The following GLIS3 variants were observed in gnomAD, a reference collection of about 807,000 sequenced individuals.
The protein encoded by GLIS3 is GLIS family zinc finger 3.
In GLIS3, 53 loss-of-function variants were observed where a neutral mutation model predicts 78.6. The observed-to-expected ratio is 0.67, with a 90% confidence interval of 0.54 to 0.85. GLIS3 has a LOEUF of 0.85. Ranked by LOEUF, GLIS3 falls within the 40% of genes least tolerant of loss-of-function variation. The probability of loss-of-function intolerance (pLI) is 0.00; values close to 1 mark genes in which losing one functional copy is unlikely to be tolerated. For synonymous variants in GLIS3, 684 were observed against 509.9 expected, an observed-to-expected ratio of 1.34 and a Z score of -4.60; for missense variants, 1,703 against 1,231.1, an observed-to-expected ratio of 1.38 and a Z score of -5.74.
At chr9:4,473,876 T>C in the GLIS3 span, among the ~76,000 whole-genome samples, 1 of 151,990 alleles carries the variant, frequency 6.6e-6, no homozygotes, top group African/African-American at 2.4e-5. Flanking sequence ...CTAATGAAGA[T>C]GCACAAGACC....
At chr9:4,183,876 A>G (rs1817545802) in intron 2 of GLIS3, among the ~76,000 whole-genome samples, 1 of 152,184 alleles carries the variant, frequency 6.6e-6, no homozygotes, top group Non-Finnish European at 1.5e-5. Flanking sequence ...AAGGGCAGAG[A>G]ACTATAAATG....
intron 1 of GLIS3, among the ~76,000 whole-genome samples, chr9:4,290,464 G>C (rs1828357931): frequency 6.6e-6 from 1 of 151,994 alleles, no homozygotes; most frequent in African/African-American, 2.4e-5. Context: ...TCGCTGCCTT[G>C]TTAATAGGTC....
intron 2 of GLIS3, among the ~76,000 whole-genome samples, chr9:4,185,595 C>G (rs1817715186): frequency 6.6e-6 from 1 of 151,236 alleles, no homozygotes; most frequent in South Asian, 2.1e-4. Context: ...ATGGCACATT[C>G]AAATTACAAT....
rs80035197 is a variant in GLIS3, at chr9:4,173,407, C to T, written c.389-47466G>A. Among the ~76,000 whole-genome samples the T allele has an allele frequency of 4.1e-4, 63 of 152,188 alleles. 1 individual carries two copies. The East Asian group carries it at 0.011, about 26-fold the overall frequency. On this transcript the variant is annotated intron_variant, in intron 2 of 10. Transcript: ENST00000381971. ...TAACTCTTCCTATTTATTAACCGTG[C>T]CACGTGTGTCTTCTTATCATCTTGT... is the stretch of plus-strand genomic sequence containing the variant.
At chr9:3,835,246 A>G (rs1175159095) in intron 9 of GLIS3, among the ~76,000 whole-genome samples, 4 of 152,218 alleles carry the variant, frequency 2.6e-5, no homozygotes, top group African/African-American at 7.2e-5. Context: ...CAGAATCGAG[A>G]CAGCCCCTTC....
chr9:4,317,637 C>T (rs1197935827), intron 2 of GLIS3, among the ~76,000 whole-genome samples: 2 of 152,144 alleles, frequency 1.3e-5, no homozygotes, highest in Non-Finnish European at 2.9e-5. Context: ...GTCATAGATT[C>T]TAAATGTATC....
intron 2 of GLIS3, among the ~76,000 whole-genome samples, chr9:4,188,692 CAG>C (rs1818034705): frequency 6.6e-6 from 1 of 152,142 alleles, no homozygotes; most frequent in South Asian, 2.1e-4. Flanking sequence ...TTGGTCTATT[CAG>C]AGATTCAACT....
chr9:4,311,363 A>G (rs1299893199), intron 2 of GLIS3, among the ~76,000 whole-genome samples: 1 of 152,196 alleles, frequency 6.6e-6, no homozygotes, highest in Non-Finnish European at 1.5e-5. Flanking sequence ...GAGTTGAGAT[A>G]GCACCACTAC....
chr9:4,198,206 G>A (rs1819042978), intron 2 of GLIS3, among the ~76,000 whole-genome samples: 1 of 152,072 alleles, frequency 6.6e-6, no homozygotes, highest in African/African-American at 2.4e-5. Flanking sequence ...TGGATTGCAA[G>A]CAAGCTCAAT....
chr9:4,321,295 G>A (rs374555652), intron 2 of GLIS3, among the ~76,000 whole-genome samples: 2,475 of 96,942 alleles, frequency 0.026, 414 homozygotes, highest in East Asian at 0.1. Flanking sequence ...GGTGGCGGGC[G>A]CCTGTAGTCC....
intron 4 of GLIS3, among the ~76,000 whole-genome samples, chr9:3,939,897 A>C (rs1826107099): frequency 6.6e-6 from 1 of 152,212 alleles, no homozygotes. Context: ...GGATTGATAA[A>C]TGCCTTGGTG....
chr9:4,059,934 C>T (rs1826505057), intron 4 of GLIS3, among the ~76,000 whole-genome samples: 1 of 151,812 alleles, frequency 6.6e-6, no homozygotes, highest in East Asian at 1.9e-4. Flanking sequence ...TTTTTACTCT[C>T]ATTTTTAAGG....
At chr9:4,072,283 C>T (rs528174588) in intron 4 of GLIS3, among the ~76,000 whole-genome samples, 5 of 152,274 alleles carry the variant, frequency 3.3e-5, no homozygotes, top group Non-Finnish European at 7.4e-5. Context: ...AACTCAAACC[C>T]GTCAAAGATG....
intron 2 of GLIS3, among the ~76,000 whole-genome samples, chr9:4,223,384 A>G (rs1186716147): frequency 1.3e-5 from 2 of 152,214 alleles, no homozygotes; most frequent in African/African-American, 4.8e-5. Flanking sequence ...CTCCCCTGAG[A>G]TTAAAAGCCT....
the GLIS3 span, among the ~76,000 whole-genome samples, chr9:4,414,366 G>T: frequency 0.011 from 1,635 of 152,258 alleles, 38 homozygotes; most frequent in African/African-American, 0.038. Flanking sequence ...TGAGTATGCA[G>T]AACTTCAGAA....
At position 4,112,698 on chromosome 9, in the gene GLIS3, T is replaced by C. The variant is rs184211549; in HGVS notation, c.1710+5070A>G. On this transcript the variant is annotated intron_variant, in intron 4 of 10. Transcript: ENST00000381971. ...TAGGCTTTGTTCTCATCTAAAAAAA[T>C]GATATGGGTGGAAAGAAATTGGAGT... Among the ~76,000 whole-genome samples the C allele has an allele frequency of 3.9e-5, 6 of 152,280 alleles. No individual in the cohort carries two copies. In the East Asian group the frequency reaches 1.2e-3, roughly 29 times the overall value.
At chr9:4,355,779 T>A in the GLIS3 span, among the ~76,000 whole-genome samples, 1 of 152,134 alleles carries the variant, frequency 6.6e-6, no homozygotes, top group African/African-American at 2.4e-5. Flanking sequence ...TTTCACCAAC[T>A]GAGCATTGCA....
chr9:4,468,237 C>A, the GLIS3 span, among the ~76,000 whole-genome samples: 1 of 152,086 alleles, frequency 6.6e-6, no homozygotes, highest in Non-Finnish European at 1.5e-5. Context: ...GAGAATTTCC[C>A]CAACCTAGCA....
At chr9:4,205,365 T>C (rs761891950) in intron 2 of GLIS3, among the ~76,000 whole-genome samples, 2 of 152,170 alleles carry the variant, frequency 1.3e-5, no homozygotes, top group African/African-American at 2.4e-5. Context: ...TCAATCCTCA[T>C]ATTCCAAAGC....
Sources: gnomAD v4.1 joint callset for allele counts (sites outside exome capture counted in the v4.1 genomes callset) on GRCh38, gnomAD v4.1.1 for gene constraint, MANE v1.5 for transcripts, NCBI Gene and HGNC (gene_info 2026-07-23, HGNC 2026-07-21) for gene names.